SGCD: variants seen among roughly 807,000 people sequenced by gnomAD.
The protein encoded by SGCD is delta-sarcoglycan.
In SGCD, 18 loss-of-function variants were observed where a neutral mutation model predicts 36.6. The ratio of observed to expected loss-of-function variants is 0.49; its 90% CI spans 0.34 to 0.73. The LOEUF (loss-of-function observed/expected upper bound fraction) is 0.73, where lower values mean the gene tolerates loss of function less well. SGCD is among the 30% of genes least tolerant of loss of function. SGCD has a pLI of 0.01. For missense variants in SGCD, 387 were observed against 346.7 expected, an observed-to-expected ratio of 1.12 and a Z score of -0.92; for synonymous variants, 133 against 130.6, an observed-to-expected ratio of 1.02 and a Z score of -0.12.
rs75319731 is a variant in SGCD at position 156,024,620 on chromosome 5, A to G, written c.-281-93258A>G. Reference sequence around the variant, plus strand: ...CTGGAAAAACTCTATTTTAGATAGTATATTGATTCCTGCAGTGTTTCCCTG... The same window carrying G: ...CTGGAAAAACTCTATTTTAGATAGTGTATTGATTCCTGCAGTGTTTCCCTG... On this transcript the variant is annotated intron_variant, in intron 1 of 9. Transcript: ENST00000517913. Among the ~76,000 whole-genome samples, 449 of 152,220 alleles carry G rather than the reference A, an allele frequency of 2.9e-3. 4 individuals carry two copies. Among genetic ancestry groups the G allele is most frequent in the African/African-American group, 0.01 (423 of 41,528 alleles).
chr5:156,266,826 A>G (rs10060221), intron 3 of SGCD, among the ~76,000 whole-genome samples: 1,612 of 149,900 alleles, frequency 0.011, 20 homozygotes, highest in African/African-American at 0.038. Flanking sequence ...AAATTGTATT[A>G]AGATGACAGA....
chr5:156,589,143 AT>A (rs1333495315), intron 4 of SGCD, 87 bp from the exon 5 acceptor site: 3 of 977,488 alleles, frequency 3.1e-6, no homozygotes, highest in Non-Finnish European at 4.7e-6. Context: ...GGCTAAAGCC[AT>A]TTCAGCCCCT....
intron 3 of SGCD, among the ~76,000 whole-genome samples, chr5:156,434,142 T>C (rs1437984697): frequency 6.6e-6 from 1 of 152,216 alleles, no homozygotes; most frequent in African/African-American, 2.4e-5. Flanking sequence ...GGTGTGCATC[T>C]CTAGCTGGCT....
the SGCD span, among the ~76,000 whole-genome samples, chr5:155,810,741 A>C: frequency 6.7e-6 from 1 of 149,854 alleles, no homozygotes; most frequent in Non-Finnish European, 1.5e-5. Context: ...CGAAAATATC[A>C]ATCATGATTT....
intron 3 of SGCD, among the ~76,000 whole-genome samples, chr5:156,506,762 A>G (rs1756718628): frequency 6.6e-6 from 1 of 152,210 alleles, no homozygotes; most frequent in Non-Finnish European, 1.5e-5. Flanking sequence ...ACTAGGTGGA[A>G]GATGTTAGAT....
At chr5:156,031,739 T>G (rs1759351590) in intron 1 of SGCD, among the ~76,000 whole-genome samples, 1 of 152,144 alleles carries the variant, frequency 6.6e-6, no homozygotes, top group South Asian at 2.1e-4. Context: ...CACCAATCTG[T>G]GAGTTGAATA....
intron 2 of SGCD, among the ~76,000 whole-genome samples, chr5:156,334,345 A>T (rs1768217607): frequency 6.6e-6 from 1 of 152,226 alleles, no homozygotes; most frequent in Admixed American, 6.5e-5. Context: ...TTTGCATGTG[A>T]AAATGACACC....
chr5:156,517,092 A>G (rs1757209006), intron 4 of SGCD, among the ~76,000 whole-genome samples: 1 of 152,202 alleles, frequency 6.6e-6, no homozygotes, highest in Admixed American at 6.5e-5. Context: ...GCTAAGAACC[A>G]TGATAAAACA....
chr5:156,349,888 A>G (rs1472083346), intron 3 of SGCD, among the ~76,000 whole-genome samples: 1 of 152,122 alleles, frequency 6.6e-6, no homozygotes, highest in Non-Finnish European at 1.5e-5. Flanking sequence ...TGTGATATAC[A>G]TACACCATCA....
chr5:156,718,554 T>C (rs549347406), intron 7 of SGCD, among the ~76,000 whole-genome samples: 2 of 152,022 alleles, frequency 1.3e-5, no homozygotes, highest in East Asian at 3.9e-4. Flanking sequence ...CCGAGGTGGG[T>C]GGATCACTGG....
intron 3 of SGCD, among the ~76,000 whole-genome samples, chr5:156,398,596 C>T (rs1016688143): frequency 6.6e-6 from 1 of 152,210 alleles, no homozygotes; most frequent in African/African-American, 2.4e-5. Context: ...GGTGGTTACA[C>T]ACCCAGAGAC....
chr5:156,067,776 G>T (rs1281223770), intron 1 of SGCD, among the ~76,000 whole-genome samples: 4 of 136,124 alleles, frequency 2.9e-5, no homozygotes, highest in East Asian at 2.0e-4. Flanking sequence ...CCCAGGTGAG[G>T]CAATGCCTCG....
chr5:155,951,473 C>G (rs1757547396), intron 1 of SGCD, among the ~76,000 whole-genome samples: 1 of 152,054 alleles, frequency 6.6e-6, no homozygotes, highest in Admixed American at 6.6e-5. Context: ...AAAAACTACC[C>G]TGTGATGCTA....
chr5:155,798,641 A>G, the SGCD span, among the ~76,000 whole-genome samples: 1 of 152,172 alleles, frequency 6.6e-6, no homozygotes, highest in African/African-American at 2.4e-5. Context: ...TCTTAGCTGC[A>G]CTTTTTAAAT....
intron 3 of SGCD, among the ~76,000 whole-genome samples, chr5:156,456,886 A>T (rs1452887473): frequency 6.6e-6 from 1 of 152,224 alleles, no homozygotes; most frequent in African/African-American, 2.4e-5. Flanking sequence ...TAGTAATTAT[A>T]AATGGTTTGT....
At chr5:155,838,940 A>C in the SGCD span, among the ~76,000 whole-genome samples, 1 of 152,208 alleles carries the variant, frequency 6.6e-6, no homozygotes, top group East Asian at 1.9e-4. Flanking sequence ...GGGCACAGCC[A>C]GGAAAATGTA....
intron 6 of SGCD, among the ~76,000 whole-genome samples, chr5:156,647,215 A>G (rs1468536582): frequency 2.0e-5 from 3 of 152,130 alleles, no homozygotes; most frequent in Non-Finnish European, 4.4e-5. Flanking sequence ...GCCGAGATGG[A>G]ATTTGCCTCA....
intron 1 of SGCD, among the ~76,000 whole-genome samples, chr5:156,023,486 A>G (rs1264560568): frequency 2.6e-5 from 4 of 152,214 alleles, no homozygotes; most frequent in Admixed American, 6.5e-5. Flanking sequence ...ATGTCAGTAA[A>G]CATTACTGGC....
chr5:155,808,988 C>T, the SGCD span, among the ~76,000 whole-genome samples: 1 of 152,230 alleles, frequency 6.6e-6, no homozygotes, highest in Non-Finnish European at 1.5e-5. Context: ...GCATTAGCTA[C>T]TGCCAGTCAA....
Sources: gnomAD v4.1 joint callset for allele counts (sites outside exome capture counted in the v4.1 genomes callset) on GRCh38, gnomAD v4.1.1 for gene constraint, MANE v1.5 for transcripts, NCBI Gene and HGNC (gene_info 2026-07-23, HGNC 2026-07-21) for gene names.